The following CTNNA3 variants were observed in gnomAD, a reference collection of about 807,000 sequenced individuals.
The protein encoded by CTNNA3 is catenin alpha 3.
A neutral mutation model predicts 95.7 loss-of-function variants in CTNNA3; 76 were observed. The ratio of observed to expected loss-of-function variants is 0.79; its 90% CI spans 0.66 to 0.96. CTNNA3 has a LOEUF of 0.96. Ranked by LOEUF, CTNNA3 falls within the 40% of genes least tolerant of loss-of-function variation. CTNNA3 has a pLI of 0.00. For missense variants in CTNNA3, 1,191 were observed against 1,089.8 expected, an observed-to-expected ratio of 1.09 and a Z score of -1.31; for synonymous variants, 431 against 374.4, an observed-to-expected ratio of 1.15 and a Z score of -1.74.
intron 17 of CTNNA3, among the ~76,000 whole-genome samples, chr10:65,934,395 A>G (rs924517015): frequency 6.6e-6 from 1 of 152,116 alleles, no homozygotes. Flanking sequence ...CTGGATATTC[A>G]TGCTGTGGGC....
rs557525703 is a variant in CTNNA3 at position 67,227,928 on chromosome 10, T to C, written c.580-8058A>G. Reference sequence around the variant, plus strand: ...ACCATGCAAACACATGGAAATTAAATAACGTGCTCCTGAATTAGCATTGGG... The same window carrying C: ...ACCATGCAAACACATGGAAATTAAACAACGTGCTCCTGAATTAGCATTGGG... On this transcript the variant is annotated intron_variant, in intron 5 of 17. Coordinates refer to ENST00000433211, the MANE Select transcript of CTNNA3 (RefSeq NM_013266.4). 2.9e-4 allele frequency among the ~76,000 whole-genome samples: 44 copies of C among 152,228 alleles called. 1 individual carries two copies. The South Asian group carries it at 8.7e-3, about 30-fold the overall frequency.
intron 7 of CTNNA3, among the ~76,000 whole-genome samples, chr10:67,136,621 A>G (rs1042191606): frequency 9.2e-5 from 14 of 152,156 alleles, no homozygotes; most frequent in Non-Finnish European, 1.8e-4. Context: ...GCTTCTGGCC[A>G]TATTTTCAAC....
chr10:67,655,144 A>C (rs1839985823), intron 1 of CTNNA3, among the ~76,000 whole-genome samples: 1 of 152,220 alleles, frequency 6.6e-6, no homozygotes, highest in Non-Finnish European at 1.5e-5. Flanking sequence ...ACACTAACAC[A>C]TACACACAGG....
At chr10:66,752,418 T>G in intron 9 of CTNNA3, among the ~76,000 whole-genome samples, 1 of 152,240 alleles carries the variant, frequency 6.6e-6, no homozygotes, top group East Asian at 1.9e-4. Context: ...TGACCCTTTA[T>G]TTCACACCAC....
intron 10 of CTNNA3, among the ~76,000 whole-genome samples, chr10:66,553,688 C>G (rs1202292316): frequency 1.3e-5 from 2 of 151,326 alleles, no homozygotes; most frequent in African/African-American, 2.4e-5. Flanking sequence ...CCACCACACC[C>G]GGCTAATTTT....
chr10:66,463,769 C>T (rs1212149557), intron 11 of CTNNA3, among the ~76,000 whole-genome samples: 1 of 152,030 alleles, frequency 6.6e-6, no homozygotes, highest in Non-Finnish European at 1.5e-5. Flanking sequence ...TTGCTGCAGC[C>T]TCGTCAAAAA....
At chr10:67,676,791 A>G (rs1840542689) in intron 1 of CTNNA3, among the ~76,000 whole-genome samples, 1 of 152,154 alleles carries the variant, frequency 6.6e-6, no homozygotes, top group Admixed American at 6.6e-5. Context: ...CGGCAAATGT[A>G]TGGCACAGAA....
chr10:66,314,917 A>C (rs904641776), intron 12 of CTNNA3, among the ~76,000 whole-genome samples: 17 of 152,116 alleles, frequency 1.1e-4, no homozygotes, highest in Non-Finnish European at 1.5e-5. Context: ...CAGTGCAAAA[A>C]TAAGTCCCCT....
chr10:67,295,925 C>T (rs1010922807), intron 5 of CTNNA3, among the ~76,000 whole-genome samples: 2 of 152,172 alleles, frequency 1.3e-5, no homozygotes, highest in South Asian at 2.1e-4. Flanking sequence ...GTACCATACA[C>T]ATGCAGGGCC....
intron 9 of CTNNA3, among the ~76,000 whole-genome samples, chr10:66,739,051 A>G (rs1849241976): frequency 6.6e-6 from 1 of 152,170 alleles, no homozygotes; most frequent in Non-Finnish European, 1.5e-5. Context: ...TCAGTCACCC[A>G]TAGACCTGGG....
At chr10:66,263,419 ACTAT>A (rs1180707906) in intron 13 of CTNNA3, among the ~76,000 whole-genome samples, 1 of 152,010 alleles carries the variant, frequency 6.6e-6, no homozygotes, top group Non-Finnish European at 1.5e-5. Context: ...TTATCATAAC[ACTAT>A]CTATACTGTT....
intron 5 of CTNNA3, among the ~76,000 whole-genome samples, chr10:67,500,265 T>C (rs1246164474): frequency 6.6e-6 from 1 of 152,260 alleles, no homozygotes; most frequent in Admixed American, 6.5e-5. Flanking sequence ...AAACCTGAGT[T>C]CTAATTTGAT....
At chr10:67,475,931 A>G (rs1847991746) in intron 5 of CTNNA3, among the ~76,000 whole-genome samples, 1 of 152,246 alleles carries the variant, frequency 6.6e-6, no homozygotes, top group South Asian at 2.1e-4. Flanking sequence ...TAGTAATCAT[A>G]TATGAGATTG....
At chr10:67,195,418 T>C (rs1422994232) in intron 6 of CTNNA3, among the ~76,000 whole-genome samples, 1 of 150,536 alleles carries the variant, frequency 6.6e-6, no homozygotes, top group Non-Finnish European at 1.5e-5. Context: ...GAAGCCTTTA[T>C]TCCATCCCTG....
intron 9 of CTNNA3, among the ~76,000 whole-genome samples, chr10:66,704,691 C>A (rs1450789409): frequency 6.6e-6 from 1 of 152,078 alleles, no homozygotes; most frequent in South Asian, 2.1e-4. Flanking sequence ...TTTGACTACA[C>A]CAGTCACATG....
intron 5 of CTNNA3, among the ~76,000 whole-genome samples, chr10:67,269,712 G>T (rs564144345): frequency 6.6e-6 from 1 of 152,216 alleles, no homozygotes; most frequent in African/African-American, 2.4e-5. Flanking sequence ...TAGACATATG[G>T]CAGGAGCAGC....
chr10:66,442,673 T>C (rs1223683582), intron 11 of CTNNA3, among the ~76,000 whole-genome samples: 1 of 152,044 alleles, frequency 6.6e-6, no homozygotes, highest in East Asian at 1.9e-4. Context: ...ATTAAACTTG[T>C]GGTGGAGCCA....
chr10:66,600,370 G>A (rs1368291799), intron 10 of CTNNA3, among the ~76,000 whole-genome samples: 1 of 151,584 alleles, frequency 6.6e-6, no homozygotes, highest in African/African-American at 2.4e-5. Context: ...TCACTCATGT[G>A]CGTGTTCAAG....
chr10:66,694,043 T>G (rs1847662966), intron 9 of CTNNA3, among the ~76,000 whole-genome samples: 1 of 151,530 alleles, frequency 6.6e-6, no homozygotes, highest in South Asian at 2.1e-4. Flanking sequence ...AACACCACAA[T>G]TAAAAGAACT....
Sources: allele counts gnomAD v4.1 joint callset (sites outside exome capture counted in the v4.1 genomes callset), GRCh38; gene constraint gnomAD v4.1.1; transcripts MANE v1.5; gene names NCBI Gene and HGNC (gene_info 2026-07-23, HGNC 2026-07-21).